CAND2: variants seen among roughly 807,000 people sequenced by gnomAD.
CAND2 encodes cullin associated and neddylation dissociated 2 (putative).
Under a neutral mutation model 98.9 loss-of-function variants are expected in CAND2, and 62 were observed. That is an observed-to-expected ratio of 0.63 (90% CI 0.51 to 0.77). The LOEUF is 0.77. CAND2 is among the 30% of genes least tolerant of loss of function. The pLI, the probability that CAND2 is intolerant of heterozygous loss-of-function variation, is 0.00. For missense variants in CAND2, 1,501 were observed against 1,655.2 expected (o/e 0.91, Z 1.62); for synonymous variants, 770 against 731.9 (o/e 1.05, Z -0.84).
intron 7 of CAND2, among the ~76,000 whole-genome samples, chr3:12,814,597 CG>C: frequency 6.6e-6 from 1 of 152,262 alleles, no homozygotes; most frequent in Admixed American, 6.5e-5. Flanking sequence ...AGGCAGAGAT[CG>C]GGGGAGAGAA....
At position 12,827,562 on chromosome 3, in the gene CAND2, G is replaced by C. The variant is rs766387392; in HGVS notation, c.3333G>C (p.Leu1111=). 2 of 1,613,888 alleles carry C rather than the reference G, an allele frequency of 1.2e-6. No individual in the cohort carries two copies. The highest frequency in any genetic ancestry group is 1.1e-5 in the South Asian group (1 of 91,048). ...GCCAGCTGGATATCTGTGAGTTCCT[G>C]AACCATGTGGAGGACGGGCTGAAGG... The part of the protein sequence containing the change: ...CLGQLDICEF[L]NHVEDGLKDH... Residue 1111 remains leucine (L), a synonymous_variant, in exon 13 of 15, where the codon CTG becomes CTC. Transcript: ENST00000456430.
chr3:12,812,625 C>T (rs144668961), intron 5 of CAND2, among the ~76,000 whole-genome samples: 3 of 151,796 alleles, frequency 2.0e-5, no homozygotes, highest in East Asian at 3.9e-4. Flanking sequence ...AGGATAGTCT[C>T]GATCTCCTGA....
At chr3:12,830,909 T>C (rs1023626231) in intron 13 of CAND2, among the ~76,000 whole-genome samples, 1 of 152,298 alleles carries the variant, frequency 6.6e-6, no homozygotes, top group East Asian at 1.9e-4. Context: ...AACCAGTCTT[T>C]ATGGTGTGCA....
At chr3:12,802,621 G>C (rs1203858778) in intron 1 of CAND2, among the ~76,000 whole-genome samples, 1 of 152,224 alleles carries the variant, frequency 6.6e-6, no homozygotes, top group African/African-American at 2.4e-5. Context: ...TTGCTAGTCT[G>C]CCACTATGTG....
intron 10 of CAND2, among the ~76,000 whole-genome samples, chr3:12,818,610 T>C (rs1418736510): frequency 1.3e-5 from 2 of 152,344 alleles, no homozygotes; most frequent in South Asian, 2.1e-4. Flanking sequence ...GTTCCCAGAA[T>C]GAAAGGCCAG....
chr3:12,806,539 C>G (rs544023267), intron 2 of CAND2, among the ~76,000 whole-genome samples: 2 of 152,302 alleles, frequency 1.3e-5, no homozygotes, highest in African/African-American at 4.8e-5. Flanking sequence ...TTAGAATCAC[C>G]TGGGGAATTT....
intron 1 of CAND2, among the ~76,000 whole-genome samples, chr3:12,798,189 T>C (rs1051404416): frequency 6.6e-6 from 1 of 152,172 alleles, no homozygotes; most frequent in African/African-American, 2.4e-5. Flanking sequence ...AAACGGACAC[T>C]GTTATGATTC....
In CAND2 at chr3:12,820,132, TA is replaced by T; in HGVS notation, c.2992del (p.Ile998SerfsTer12). ...CCGTCATCACAGCGGTCAAGTTCCT[TA>T]TCTCGGACCAGCCCCATCCCATTGA... ...STVITAVKFL[I>X]SDQPHPIDPL... On this transcript the variant is annotated frameshift_variant, in exon 11 of 15. Coordinates refer to ENST00000456430, the MANE Select transcript of CAND2 (RefSeq NM_001162499.2). LOFTEE classifies it high-confidence loss of function. The T allele has an allele frequency of 6.2e-7, 1 of 1,614,178 alleles. No individual in the cohort carries two copies. The highest frequency in any genetic ancestry group is 2.2e-5 in the East Asian group (1 of 44,878).
chr3:12,812,402 T>C (rs2124847728), intron 5 of CAND2, among the ~76,000 whole-genome samples: 1 of 126,890 alleles, frequency 7.9e-6, no homozygotes, highest in South Asian at 2.6e-4. Context: ...TTTTTTTTTT[T>C]TTTTTTTTTT....
At chr3:12,833,148 G>A (rs1161541562) in intron 14 of CAND2, among the ~76,000 whole-genome samples, 1 of 152,212 alleles carries the variant, frequency 6.6e-6, no homozygotes, top group Non-Finnish European at 1.5e-5. Flanking sequence ...GAAGAGCCCA[G>A]CATAATAAGG....
Position 12,796,786 on chromosome 3 carries a change from C to A in CAND2, c.66C>A (p.Phe22Leu), listed in dbSNP as rs376938593. Residue 22 changes from phenylalanine (F) to leucine (L), a missense_variant and splice_region_variant, in exon 1 of 15, where the codon TTC (phenylalanine) becomes TTA (leucine). This residue lies in a region of CAND2 where 62 missense variants were observed against 77.3 expected (regional missense o/e 0.80). Coordinates refer to ENST00000456430, the MANE Select transcript of CAND2 (RefSeq NM_001162499.2). ...AGATGACGTCCAGCGACAAGGACTT[C>A]AGGTGCAGCCCGCCGCCGGCCCCCT... ...LEKMTSSDKD[F>L]RFMATSDLMS... The A allele has an allele frequency of 1.5e-5, 23 of 1,582,504 alleles. No homozygotes were observed. Among genetic ancestry groups the A allele is most frequent in the Non-Finnish European group, 1.9e-5 (22 of 1,163,534 alleles).
rs1024856046 is a variant in CAND2 at position 12,807,416 on chromosome 3, T to C, written c.323T>C (p.Ile108Thr). The C allele has an allele frequency of 1.3e-6, 2 of 1,551,592 alleles. No homozygotes were observed. The highest frequency in any genetic ancestry group is 1.4e-5 in the African/African-American group (1 of 73,030). ...DKEQLRDIAG[I>T]GLKTVLSELP... The stretch of plus-strand genomic sequence containing the variant: ...GAGCAGCTGCGAGACATTGCCGGCA[T>C]TGGCCTCAAGACCGTCCTCTCGGAG... Residue 108 changes from isoleucine to threonine, a missense_variant, in exon 3 of 15, where the codon ATT becomes ACT. Coordinates refer to ENST00000456430, the MANE Select transcript of CAND2 (RefSeq NM_001162499.2).
intron 3 of CAND2, among the ~76,000 whole-genome samples, chr3:12,807,749 A>G (rs2061818909): frequency 6.6e-6 from 1 of 152,148 alleles, no homozygotes. Context: ...CAGCCACTCC[A>G]TTTTTGTAGC....
chr3:12,812,221 CTTTTTT>C (rs531439250), intron 5 of CAND2, among the ~76,000 whole-genome samples: 6 of 74,516 alleles, frequency 8.1e-5, no homozygotes, highest in African/African-American at 1.1e-4. Flanking sequence ...AGCTGTTTAT[CTTTTTT>C]TTTTTTTTTT....
intron 2 of CAND2, among the ~76,000 whole-genome samples, chr3:12,804,024 C>T (rs868479493): frequency 5.3e-5 from 8 of 152,216 alleles, no homozygotes; most frequent in Middle Eastern, 3.4e-3. Context: ...AATCCACCAG[C>T]TCCCTGGTAG....
chr3:12,807,198 C>A, intron 2 of CAND2, 108 bp from the exon 3 acceptor site: 1 of 999,016 alleles, frequency 1.0e-6, no homozygotes, highest in Admixed American at 2.7e-5. Context: ...TGATCTGAGG[C>A]CTTTTCCTCA....
rs199720424 is a variant in CAND2 at position 12,817,592 on chromosome 3, G to T, written c.2660G>T (p.Arg887Leu). The T allele has an allele frequency of 6.8e-6, 11 of 1,613,740 alleles. No homozygotes were observed. In the African/African-American group the frequency reaches 1.1e-4, roughly 16 times the overall value. ...GCTGCAGCCTCGTATGCACTGGGCC[G>T]TGTGGGTGCTGGCAGCCTGCCCGAC... is the stretch of plus-strand genomic sequence containing the variant. ...VRAAASYALG[R>L]VGAGSLPDFL... The change falls in exon 10 of 15, where the codon CGT becomes CTT. Residue 887 changes from arginine (R) to leucine (L), a missense_variant. This residue lies in a region of CAND2 where 1,427 missense variants were observed against 1,545.3 expected (regional missense o/e 0.92). Coordinates refer to ENST00000456430, the MANE Select transcript of CAND2 (RefSeq NM_001162499.2).
In CAND2 at chr3:12,806,342, T is replaced by C. The variant is rs369459022; in HGVS notation, c.213-964T>C. ...CAAGAAAAAAGAAAACCATTGTGCA[T>C]TGCAGTCACCTGAAGCTCTTGTTGA... On this transcript the variant is annotated intron_variant, in intron 2 of 14. Coordinates refer to ENST00000456430, the MANE Select transcript of CAND2 (RefSeq NM_001162499.2). 2.2e-3 allele frequency among the ~76,000 whole-genome samples: 339 copies of C among 152,254 alleles called. 1 individual carries two copies. The highest frequency in any genetic ancestry group is 7.7e-3 in the African/African-American group (322 of 41,554).
intron 4 of CAND2, among the ~76,000 whole-genome samples, chr3:12,809,670 A>T (rs544103914): frequency 1.3e-5 from 2 of 152,144 alleles, no homozygotes; most frequent in Non-Finnish European, 2.9e-5. Context: ...TAAGCAGAGG[A>T]GTGACCAGGT....
Sources: gnomAD v4.1 joint callset for allele counts (sites outside exome capture counted in the v4.1 genomes callset) on GRCh38, gnomAD v4.1.1 for gene constraint, gnomAD v4.1.1 regional missense constraint, MANE v1.5 for transcripts, NCBI Gene and HGNC (gene_info 2026-07-23, HGNC 2026-07-21) for gene names.